The following SSMEM1 variants were observed in gnomAD, a reference collection of about 807,000 sequenced individuals.
The protein encoded by SSMEM1 is serine rich single-pass membrane protein 1.
SSMEM1 carries 12 observed loss-of-function variants against 9.9 expected under a neutral mutation model. The observed-to-expected ratio is 1.21, with a 90% CI of 0.78 to 1.96. The LOEUF (loss-of-function observed/expected upper bound fraction) is 1.96. SSMEM1 is among the 30% of genes most tolerant of loss of function. The pLI is 0.00. For missense variants in SSMEM1, 259 were observed against 292.2 expected, an observed-to-expected ratio of 0.89 and a Z score of 0.83; for synonymous variants, 96 against 98.9, an observed-to-expected ratio of 0.97 and a Z score of 0.17.
At chr7:130,213,255 G>A (rs1798627365) in intron 1 of SSMEM1, among the ~76,000 whole-genome samples, 1 of 152,076 alleles carries the variant, frequency 6.6e-6, no homozygotes, top group African/African-American at 2.4e-5. Flanking sequence ...GGCCGAGGCA[G>A]GAGAATCACT....
At chr7:130,213,444 T>G in intron 1 of SSMEM1, 36 bp from the exon 2 acceptor site, 10 of 1,585,910 alleles carry the variant, frequency 6.3e-6, no homozygotes, top group Non-Finnish European at 8.6e-6. Context: ...AAAAAACAAC[T>G]GAGATCACTC....
chr7:130,208,668 G>A (rs943549032), intron 1 of SSMEM1, among the ~76,000 whole-genome samples: 1 of 152,156 alleles, frequency 6.6e-6, no homozygotes, highest in African/African-American at 2.4e-5. Flanking sequence ...TCAAAGATAT[G>A]AAAGTTGTCA....
upstream of SSMEM1, chr7:130,205,525 A>G: frequency 2.4e-6 from 3 of 1,253,004 alleles, no homozygotes; most frequent in South Asian, 1.2e-5. Context: ...TCGCAGGCCC[A>G]GGCGCTCGGA....
chr7:130,206,387 C>T (rs1173715696), upstream of SSMEM1, among the ~76,000 whole-genome samples: 1 of 152,174 alleles, frequency 6.6e-6, no homozygotes, highest in East Asian at 1.9e-4. Flanking sequence ...AGCCAGAAAC[C>T]CAGGGCCTGG....
chr7:130,210,900 C>T (rs908173926), intron 1 of SSMEM1, among the ~76,000 whole-genome samples: 11 of 152,068 alleles, frequency 7.2e-5, no homozygotes, highest in African/African-American at 2.7e-4. Context: ...TTTTAAATAC[C>T]TTCTCCTGTC....
At chr7:130,208,630 AAT>A (rs1233864833) in intron 1 of SSMEM1, among the ~76,000 whole-genome samples, 4 of 152,308 alleles carry the variant, frequency 2.6e-5, no homozygotes, top group Non-Finnish European at 5.9e-5. Flanking sequence ...ATGACTTCCA[AAT>A]CCCTTTTCTA....
upstream of SSMEM1, among the ~76,000 whole-genome samples, chr7:130,205,828 A>T (rs528953564): frequency 1.3e-5 from 2 of 150,986 alleles, no homozygotes; most frequent in Middle Eastern, 3.4e-3. Context: ...CTATGTCAAG[A>T]GTCCTGACCC....
chr7:130,206,176 C>G (rs1217956861), upstream of SSMEM1, among the ~76,000 whole-genome samples: 1 of 152,212 alleles, frequency 6.6e-6, no homozygotes, highest in African/African-American at 2.4e-5. Flanking sequence ...CAAATACCTA[C>G]AAGTGTGCCG....
chr7:130,205,586 GA>G, upstream of SSMEM1: 2 of 677,874 alleles, frequency 3.0e-6, no homozygotes, highest in Non-Finnish European at 5.1e-6. Context: ...TCAGCTGCGG[GA>G]GAAAGCTAAG....
At chr7:130,211,247 T>G (rs1436328115) in intron 1 of SSMEM1, among the ~76,000 whole-genome samples, 1 of 148,776 alleles carries the variant, frequency 6.7e-6, no homozygotes, top group Non-Finnish European at 1.5e-5. Flanking sequence ...AAGCTCCGCC[T>G]CTCAGGTTCA....
chr7:130,214,563 C>G (rs1314250798), intron 2 of SSMEM1, among the ~76,000 whole-genome samples: 1 of 152,174 alleles, frequency 6.6e-6, no homozygotes, highest in Non-Finnish European at 1.5e-5. Flanking sequence ...ACCCTTGCAC[C>G]TTAGCCAACC....
At position 130,216,525 on chromosome 7, in the gene SSMEM1, T is replaced by G; in HGVS notation, c.*55T>G. On this transcript the variant is annotated 3_prime_UTR_variant, in exon 3 of 3. Coordinates refer to ENST00000297819, the MANE Select transcript of SSMEM1 (RefSeq NM_145268.4). ...CCAAATGAAAGAGATGAATAAAACA[T>G]GAAAAATCACCAGAGCTATAGGTGA... is the stretch of plus-strand genomic sequence containing the variant. 34 of 1,567,172 alleles carry G rather than the reference T, an allele frequency of 2.2e-5. No individual in the cohort carries two copies. In the South Asian group the frequency reaches 4.0e-4, roughly 18 times the overall value.
chr7:130,213,689 TACCAAAAAAAAA>T (rs1798642519), intron 2 of SSMEM1, among the ~76,000 whole-genome samples, 155 bp downstream of exon 2: 1 of 62,618 alleles, frequency 1.6e-5, no homozygotes, highest in South Asian at 5.0e-4. Context: ...TGAGACCCAG[TACCAAAAAAAAA>T]AAAAAAAAAA....
At chr7:130,213,599 T>A in intron 2 of SSMEM1, 65 bp downstream of exon 2, 1 of 1,458,002 alleles carries the variant, frequency 6.9e-7, no homozygotes, top group South Asian at 1.2e-5. Context: ...GTTGCATGCC[T>A]GTAGTCCCAG....
chr7:130,208,217 C>A, intron 1 of SSMEM1, 124 bp downstream of exon 1: 1 of 923,704 alleles, frequency 1.1e-6, no homozygotes, highest in Non-Finnish European at 1.5e-6. Context: ...AAAAATAATG[C>A]AATCTTATTC....
chr7:130,216,588 A>G lies in SSMEM1; in HGVS notation c.*118A>G. ...AACAAAGTCTCTCTACCAACAAACA[A>G]AAACATACTTGGAACCCAAGAGGTA... On this transcript the variant is annotated 3_prime_UTR_variant, in exon 3 of 3. Transcript: ENST00000297819. 7.8e-7 allele frequency: 1 copy of G among 1,283,714 alleles called. No homozygotes were observed. The highest frequency in any genetic ancestry group is 1.1e-6 in the Non-Finnish European group (1 of 934,534). 79.5% of individuals were successfully genotyped at this position (1,283,714 alleles called of 1,614,324 possible). A position where few individuals can be genotyped will look rare whatever the true frequency, so the allele number is the denominator to read the frequency against.
Position 130,213,692 on chromosome 7 carries a change from C to CAAAAAAAAAAAAAAAA in SSMEM1, c.238+165_238+180dup, listed in dbSNP as rs1179465068. Reference sequence around the variant, plus strand: ...TTGAGAACATAGTGAGACCCAGTACCAAAAAAAAAAAAAAAAAAAAAAGAA... The same window carrying CAAAAAAAAAAAAAAAA: ...TTGAGAACATAGTGAGACCCAGTACCAAAAAAAAAAAAAAAAAAAAAAAAAAAAAAAAAAAAAAGAA... On this transcript the variant is annotated intron_variant, in intron 2 of 2. Coordinates refer to ENST00000297819, the MANE Select transcript of SSMEM1 (RefSeq NM_145268.4). Among the ~76,000 whole-genome samples, 15 of 79,726 alleles carry CAAAAAAAAAAAAAAAA rather than the reference C, an allele frequency of 1.9e-4. 1 individual carries two copies. The highest frequency in any genetic ancestry group is 3.6e-4 in the African/African-American group (7 of 19,348). 52.3% of individuals were successfully genotyped at this position (79,726 alleles called of 152,430 possible). A position where few individuals can be genotyped will look rare whatever the true frequency, so the allele number is the denominator to read the frequency against.
At chr7:130,206,690 C>G (rs185988152), upstream of SSMEM1, among the ~76,000 whole-genome samples, 7 of 152,202 alleles carry the variant, frequency 4.6e-5, no homozygotes, top group African/African-American at 1.4e-4. Flanking sequence ...AAGGTGCAAT[C>G]AAAATTAGAA....
At position 130,216,752 on chromosome 7, in the gene SSMEM1, T is replaced by C. The variant is rs955980737; in HGVS notation, c.*282T>C. The C allele has an allele frequency of 3.6e-5, 14 of 392,794 alleles. No individual in the cohort carries two copies. Among genetic ancestry groups the C allele is most frequent in the African/African-American group, 6.1e-5 (3 of 49,408 alleles). 24.3% of individuals were successfully genotyped at this position (392,794 alleles called of 1,614,324 possible). A position where few individuals can be genotyped will look rare whatever the true frequency, so the allele number is the denominator to read the frequency against. ...ACAGATATTTTGTGCCTTGAGTGTA[T>C]ATATTTTGTGCCTTGAGTGTATGTA... On this transcript the variant is annotated 3_prime_UTR_variant, in exon 3 of 3. Transcript: ENST00000297819.
Sources: gnomAD v4.1 joint callset for allele counts (sites outside exome capture counted in the v4.1 genomes callset) on GRCh38, gnomAD v4.1.1 for gene constraint, MANE v1.5 for transcripts, NCBI Gene and HGNC (gene_info 2026-07-23, HGNC 2026-07-21) for gene names.